Variants in IMMT observed in about 807,000 individuals in gnomAD.
The protein encoded by IMMT is MICOS complex subunit MIC60.
In IMMT, 40 loss-of-function variants were observed where a neutral mutation model predicts 92.7. The ratio of observed to expected loss-of-function variants is 0.43; its 90% confidence interval spans 0.34 to 0.56. IMMT has a LOEUF of 0.56. Ranked by LOEUF, IMMT falls within the 20% of genes least tolerant of loss-of-function variation. IMMT has a pLI of 0.03. For missense variants in IMMT, 831 were observed against 912.1 expected (o/e 0.91, Z 1.14); for synonymous variants, 322 against 336.1 (o/e 0.96, Z 0.46).
At chr2:86,164,958 T>C (rs762084843) in intron 7 of IMMT, among the ~76,000 whole-genome samples, 9 of 152,190 alleles carry the variant, frequency 5.9e-5, no homozygotes, top group Non-Finnish European at 1.2e-4. Context: ...AGAAATTACA[T>C]GTGCACCTGT....
intron 8 of IMMT, among the ~76,000 whole-genome samples, chr2:86,161,482 T>A (rs6737950): frequency 1.3e-5 from 2 of 149,664 alleles, no homozygotes; most frequent in East Asian, 2.0e-4. Context: ...ATTTTATTCC[T>A]TCTCTCTTTT....
In IMMT at chr2:86,147,606, A is replaced by C. The variant is rs1359585090; in HGVS notation, c.1533+96T>G. 4 of 1,268,608 alleles carry C rather than the reference A, an allele frequency of 3.2e-6. No homozygotes were observed. In the East Asian group the frequency reaches 9.8e-5, roughly 31 times the overall value. The allele number at this position is 1,268,608 out of a possible 1,614,324, so 78.6% of individuals were successfully genotyped here. ...TTTGTAGACATACAAGGAGATTTCC[A>C]AATCTTCGACATCCTCAGAGTACAT... On this transcript the variant is annotated intron_variant, in intron 13 of 14. Coordinates refer to ENST00000410111, the MANE Select transcript of IMMT (RefSeq NM_006839.3).
intron 7 of IMMT, 131 bp downstream of exon 7, chr2:86,166,377 A>T: frequency 1.4e-6 from 1 of 714,362 alleles, no homozygotes; most frequent in Non-Finnish European, 2.2e-6. Context: ...ATCTTCCCCT[A>T]GTGAGAGAAA....
At chr2:86,189,906 T>C (rs985271538) in intron 1 of IMMT, among the ~76,000 whole-genome samples, 2 of 152,240 alleles carry the variant, frequency 1.3e-5, no homozygotes, top group Non-Finnish European at 2.9e-5. Context: ...CAATTTTACA[T>C]TGAAGCAGCA....
At chr2:86,173,475 G>C in intron 4 of IMMT, 175 bp downstream of exon 4, 1 of 523,444 alleles carries the variant, frequency 1.9e-6, no homozygotes, top group Non-Finnish European at 3.4e-6. Context: ...AGCTACTCAG[G>C]AGTCTGAGGC....
intron 11 of IMMT, 120 bp from the exon 12 acceptor site, chr2:86,151,640 C>T (rs915848436): frequency 1.5e-5 from 11 of 728,950 alleles, no homozygotes; most frequent in Non-Finnish European, 2.3e-5. Context: ...ACTTAGCTAA[C>T]ATGAAAAGAG....
At chr2:86,156,922 T>C (rs1050137887) in intron 10 of IMMT, among the ~76,000 whole-genome samples, 1 of 152,066 alleles carries the variant, frequency 6.6e-6, no homozygotes, top group African/African-American at 2.4e-5. Context: ...TTCAAGAAGA[T>C]AAAATAAGGT....
At chr2:86,166,459 C>A in intron 7 of IMMT, 49 bp downstream of exon 7, 1 of 1,539,262 alleles carries the variant, frequency 6.5e-7, no homozygotes, top group South Asian at 1.2e-5. Flanking sequence ...TTCTTTTTGT[C>A]CTCCAAGTCA....
chr2:86,144,880 G>T lies in IMMT; in HGVS notation c.1665C>A (p.Ser555Arg). 6.3e-7 allele frequency: 1 copy of T among 1,582,474 alleles called. No homozygotes were observed. The highest frequency in any genetic ancestry group is 1.4e-5 in the African/African-American group (1 of 73,506). Residue 555 changes from serine (S) to arginine (R), a missense_variant and splice_region_variant, in exon 15 of 15, where the codon AGC becomes AGA. By Grantham distance (110) the Ser-to-Arg change is moderately radical. Coordinates refer to ENST00000410111, the MANE Select transcript of IMMT (RefSeq NM_006839.3). ...RLRGIEQAVQSHAVAEEEARK... is the reference protein window; with the variant it reads ...RLRGIEQAVQRHAVAEEEARK... Reference sequence around the variant, plus strand: ...TGGCTTCCTCTTCAGCAACTGCATGGCCTACAAAGAAAAAAAGGCAAAGCC... The same window carrying T: ...TGGCTTCCTCTTCAGCAACTGCATGTCCTACAAAGAAAAAAAGGCAAAGCC...
chr2:86,152,916 G>A (rs1449988361), intron 11 of IMMT, among the ~76,000 whole-genome samples: 2 of 152,014 alleles, frequency 1.3e-5, no homozygotes, highest in Non-Finnish European at 2.9e-5. Flanking sequence ...AAAACAAAAA[G>A]GGGCAAGAGA....
At chr2:86,179,330 T>C in intron 3 of IMMT, 103 bp downstream of exon 3, 1 of 958,540 alleles carries the variant, frequency 1.0e-6, no homozygotes, top group Non-Finnish European at 1.5e-6. Context: ...GTCCTGAACC[T>C]CTCCTTCAAG....
At chr2:86,177,223 C>A (rs907179834) in intron 3 of IMMT, among the ~76,000 whole-genome samples, 27 of 149,770 alleles carry the variant, frequency 1.8e-4, no homozygotes, top group Middle Eastern at 3.5e-3. Flanking sequence ...TACCAAAGAG[C>A]CAAAAATCCA....
chr2:86,191,530 T>G (rs914310522), intron 1 of IMMT, among the ~76,000 whole-genome samples: 4 of 152,028 alleles, frequency 2.6e-5, no homozygotes, highest in African/African-American at 9.7e-5. Context: ...ATATTGGCTG[T>G]CCTAGGTCTC....
intron 6 of IMMT, among the ~76,000 whole-genome samples, chr2:86,167,470 G>GT (rs1279903768): frequency 3.0e-5 from 2 of 67,444 alleles, no homozygotes; most frequent in African/African-American, 9.1e-5. Context: ...ACCGTGCCCG[G>GT]TTTTTTGTTT....
chr2:86,170,987 AT>A, intron 5 of IMMT, 143 bp from the exon 6 acceptor site: 1 of 703,088 alleles, frequency 1.4e-6, no homozygotes, highest in Non-Finnish European at 2.4e-6. Context: ...AAACCATATC[AT>A]TACTCTTAAT....
chr2:86,182,395 T>C (rs190273026), intron 1 of IMMT, among the ~76,000 whole-genome samples: 3 of 152,328 alleles, frequency 2.0e-5, no homozygotes, highest in East Asian at 3.9e-4. Flanking sequence ...ATAGGACACA[T>C]GAAATTACTC....
In IMMT at chr2:86,193,782, G is replaced by A. The variant is rs140008317; in HGVS notation, c.45+1556C>T. On this transcript the variant is annotated intron_variant, in intron 1 of 14. Coordinates refer to ENST00000410111, the MANE Select transcript of IMMT (RefSeq NM_006839.3). ...TTTTACAAGACAGCAATTTCAAGAA[G>A]CTTAGACATCTTGATTCAGAGCTAT... Among the ~76,000 whole-genome samples the A allele has an allele frequency of 2.6e-3, 394 of 152,268 alleles. 3 individuals carry two copies. Among genetic ancestry groups the A allele is most frequent in the African/African-American group, 9.0e-3 (375 of 41,566 alleles).
chr2:86,171,312 G>T lies in IMMT; in HGVS notation c.455C>A (p.Ala152Glu). ...PTEAAQIISAAGDTLSVPAPA... is the reference protein window; with the variant it reads ...PTEAAQIISAEGDTLSVPAPA... ...GGCTGGGACCGACAGGGTATCACCTGCTGCAGAAATAATTTGAGCCGCTTC... is the reference window on the plus strand; with the variant it reads ...GGCTGGGACCGACAGGGTATCACCTTCTGCAGAAATAATTTGAGCCGCTTC... The change falls in exon 5 of 15, where the codon GCA (alanine) becomes GAA (glutamate). Residue 152 changes from alanine (A) to glutamate (E), a missense_variant. Physicochemically the swap from Ala to Glu is moderately radical, Grantham distance 107. Coordinates refer to ENST00000410111, the MANE Select transcript of IMMT (RefSeq NM_006839.3). 6.2e-7 allele frequency: 1 copy of T among 1,611,442 alleles called. No homozygotes were observed.
At position 86,170,798 on chromosome 2, in the gene IMMT, A is replaced by C. The variant is rs776626603; in HGVS notation, c.606T>G (p.Val202=). 6.3e-7 allele frequency: 1 copy of C among 1,591,312 alleles called. No homozygotes were observed. Among genetic ancestry groups the C allele is most frequent in the African/African-American group, 1.3e-5 (1 of 74,770 alleles). The stretch of plus-strand genomic sequence containing the variant: ...TTTCCTGTTGTGCAAGGCGAGCTGC[A>C]ACTTCTTCAGGTGGTCGCTCCCTTA... ...SSIRERPPEE[V]AARLAQQEKQ... is the part of the protein sequence containing the mutation. Residue 202 remains valine (V), a synonymous_variant, in exon 6 of 15, where the codon GTT becomes GTG. Transcript: ENST00000410111.
Sources: allele counts gnomAD v4.1 joint callset (sites outside exome capture counted in the v4.1 genomes callset), GRCh38; gene constraint gnomAD v4.1.1; transcripts MANE v1.5; gene names NCBI Gene and HGNC (gene_info 2026-07-23, HGNC 2026-07-21).